The following MDFIC variants were observed in gnomAD, a reference collection of about 807,000 sequenced individuals.
MDFIC encodes myoD family inhibitor domain-containing protein.
A neutral mutation model predicts 23.2 loss-of-function variants in MDFIC; 17 were observed. The observed-to-expected ratio is 0.73, with a 90% confidence interval of 0.50 to 1.10. MDFIC has a LOEUF of 1.10. Among genes scored for constraint, MDFIC ranks in the 50% least tolerant of loss-of-function variants. The pLI, the probability that MDFIC is intolerant of heterozygous loss-of-function variation, is 0.00. For synonymous variants in MDFIC, 120 were observed against 115.2 expected, an observed-to-expected ratio of 1.04 and a Z score of -0.27; for missense variants, 356 against 316.6, an observed-to-expected ratio of 1.12 and a Z score of -0.95.
At chr7:114,945,798 A>G (rs1792632224) in intron 3 of MDFIC, among the ~76,000 whole-genome samples, 1 of 152,198 alleles carries the variant, frequency 6.6e-6, no homozygotes, top group Non-Finnish European at 1.5e-5. Context: ...TTATGAAAAA[A>G]GTTTATAATT....
Position 115,015,981 on chromosome 7 carries a change from T to A in MDFIC, c.*46T>A. 6.4e-7 allele frequency: 1 copy of A among 1,567,706 alleles called. No homozygotes were observed. The highest frequency in any genetic ancestry group is 8.6e-7 in the Non-Finnish European group (1 of 1,157,422). The stretch of plus-strand genomic sequence containing the variant: ...TTAAAACTGGAGAGTGTTTAAAAAT[T>A]TCCTTTTGGGGGGAAGAAAAGCACA... On this transcript the variant is annotated 3_prime_UTR_variant, in exon 5 of 5. Transcript: ENST00000393486.
chr7:114,994,680 C>CA (rs1271917108), intron 4 of MDFIC, among the ~76,000 whole-genome samples: 2 of 152,202 alleles, frequency 1.3e-5, no homozygotes, highest in Non-Finnish European at 2.9e-5. Context: ...CATTGCCCCC[C>CA]ACTCTCTTCT....
At position 114,922,135 on chromosome 7, in the gene MDFIC, G is replaced by A. The variant is rs2115649074; in HGVS notation, c.-609G>A. 3.0e-6 allele frequency: 1 copy of A among 331,782 alleles called. No homozygotes were observed. The highest frequency in any genetic ancestry group is 4.9e-5 in the Admixed American group (1 of 20,410). 20.6% of individuals were successfully genotyped at this position (331,782 alleles called of 1,614,324 possible). A position where few individuals can be genotyped will look rare whatever the true frequency, so the allele number is the denominator to read the frequency against. On this transcript the variant is annotated 5_prime_UTR_variant, in exon 1 of 5. Coordinates refer to ENST00000393486, the MANE Select transcript of MDFIC (RefSeq NM_001166345.3). ...CAGCCCCGGGAGGGCGCAGCGCCCG[G>A]GTGGGGAGCCCGAGCCAGCCCAGGC...
At chr7:115,006,467 T>A (rs1791572593) in intron 4 of MDFIC, among the ~76,000 whole-genome samples, 1 of 152,142 alleles carries the variant, frequency 6.6e-6, no homozygotes, top group Non-Finnish European at 1.5e-5. Flanking sequence ...CATCATCATC[T>A]TTTACAGAAT....
chr7:114,948,484 C>T (rs946263098), intron 3 of MDFIC, among the ~76,000 whole-genome samples: 10 of 151,956 alleles, frequency 6.6e-5, no homozygotes, highest in Admixed American at 3.3e-4. Flanking sequence ...CTTGCCTACC[C>T]ATAAGAAAAA....
In MDFIC at chr7:114,943,755, TAGA is replaced by T. The variant is rs533563053; in HGVS notation, c.217+1364_217+1366del. Among the ~76,000 whole-genome samples, 37 of 152,310 alleles carry T rather than the reference TAGA, an allele frequency of 2.4e-4. 2 individuals are homozygous for T. In the South Asian group the frequency reaches 4.2e-3, roughly 17 times the overall value. On this transcript the variant is annotated intron_variant, in intron 3 of 4. Coordinates refer to ENST00000393486, the MANE Select transcript of MDFIC (RefSeq NM_001166345.3). ...CCTAGCAACCAGAGTTAGTGAGCACTAGAAGAAGTTCTAGAGACAATTTTACCT... is the reference window on the plus strand; with the variant it reads ...CCTAGCAACCAGAGTTAGTGAGCACTAGAAGTTCTAGAGACAATTTTACCT...
chr7:114,978,342 G>A (rs1185901064), intron 3 of MDFIC, among the ~76,000 whole-genome samples: 1 of 151,962 alleles, frequency 6.6e-6, no homozygotes, highest in Non-Finnish European at 1.5e-5. Flanking sequence ...TTATGGAAAT[G>A]GCATTAAATA....
At chr7:114,978,584 A>G (rs989560445) in intron 3 of MDFIC, among the ~76,000 whole-genome samples, 4 of 151,502 alleles carry the variant, frequency 2.6e-5, no homozygotes, top group Admixed American at 2.0e-4. Flanking sequence ...AATCGGTTAT[A>G]CTCTTTGCTT....
chr7:114,981,228 A>G (rs1215972863), intron 4 of MDFIC, among the ~76,000 whole-genome samples: 1 of 152,082 alleles, frequency 6.6e-6, no homozygotes, highest in East Asian at 1.9e-4. Context: ...CTAACCTCTT[A>G]TTTTCCATTT....
At chr7:114,987,373 G>A (rs2116003669) in intron 4 of MDFIC, among the ~76,000 whole-genome samples, 1 of 152,240 alleles carries the variant, frequency 6.6e-6, no homozygotes, top group Admixed American at 6.5e-5. Flanking sequence ...TTAGTGGAAA[G>A]ATAATAATAG....
At position 114,979,567 on chromosome 7, in the gene MDFIC, A is replaced by G. The variant is rs781431944; in HGVS notation, c.279A>G (p.Ile93Met). 5 of 1,613,968 alleles carry G rather than the reference A, an allele frequency of 3.1e-6. No individual in the cohort carries two copies. Residue 93 changes from isoleucine to methionine, a missense_variant, in exon 4 of 5, where the codon ATA becomes ATG. Physicochemically the swap from Ile to Met is conservative, Grantham distance 10 (BLOSUM62 1). Coordinates refer to ENST00000393486, the MANE Select transcript of MDFIC (RefSeq NM_001166345.3). ...TSAQVPSGEE[I>M]GKIKNGHTGL... ...CCCAGGTGCCAAGTGGTGAGGAAATAGGCAAGATAAAGAACGGCCACACAG... is the reference window on the plus strand; with the variant it reads ...CCCAGGTGCCAAGTGGTGAGGAAATGGGCAAGATAAAGAACGGCCACACAG...
At chr7:114,931,001 A>G (rs1585091701) in intron 2 of MDFIC, among the ~76,000 whole-genome samples, 1 of 152,196 alleles carries the variant, frequency 6.6e-6, no homozygotes. Flanking sequence ...TGTCTTAATC[A>G]GTGCTATGTA....
intron 3 of MDFIC, among the ~76,000 whole-genome samples, chr7:114,950,059 G>T (rs1585099230): frequency 1.3e-5 from 2 of 152,312 alleles, no homozygotes; most frequent in Non-Finnish European, 2.9e-5. Context: ...AGGGAAGATA[G>T]AAAGTATTGA....
intron 4 of MDFIC, among the ~76,000 whole-genome samples, chr7:114,981,974 A>G (rs1273624845): frequency 6.6e-6 from 1 of 152,222 alleles, no homozygotes; most frequent in African/African-American, 2.4e-5. Flanking sequence ...AACATTCTCA[A>G]TTCTGCCACC....
chr7:114,968,742 T>C (rs1793150450), intron 3 of MDFIC, among the ~76,000 whole-genome samples: 1 of 152,170 alleles, frequency 6.6e-6, no homozygotes, highest in Non-Finnish European at 1.5e-5. Context: ...TTTATGGAAG[T>C]CCTCCTAGTA....
intron 4 of MDFIC, among the ~76,000 whole-genome samples, chr7:114,987,946 G>A (rs561026101): frequency 2.0e-5 from 3 of 152,214 alleles, no homozygotes; most frequent in Admixed American, 1.3e-4. Context: ...CTATGTATTT[G>A]GTGAGGAGCA....
intron 4 of MDFIC, among the ~76,000 whole-genome samples, chr7:114,997,756 G>GA (rs763082935): frequency 0.032 from 1,622 of 51,340 alleles, 18 homozygotes; most frequent in Non-Finnish European, 0.046. Flanking sequence ...CATCTAAACA[G>GA]AAAAAAAAAA....
chr7:115,004,050 A>T (rs1221251424), intron 4 of MDFIC, among the ~76,000 whole-genome samples: 2 of 152,346 alleles, frequency 1.3e-5, no homozygotes, highest in East Asian at 1.9e-4. Flanking sequence ...ATAAAAATTT[A>T]AAAAATACAA....
intron 4 of MDFIC, among the ~76,000 whole-genome samples, chr7:114,999,665 T>C (rs1408482428): frequency 1.3e-5 from 2 of 151,996 alleles, no homozygotes; most frequent in East Asian, 1.9e-4. Flanking sequence ...TTAAAAACTC[T>C]TGTAAGGGGA....
Sources: allele counts gnomAD v4.1 joint callset (sites outside exome capture counted in the v4.1 genomes callset), GRCh38; gene constraint gnomAD v4.1.1; transcripts MANE v1.5; gene names NCBI Gene and HGNC (gene_info 2026-07-23, HGNC 2026-07-21).